SEMA6A: variants seen among roughly 807,000 people sequenced by gnomAD.
SEMA6A encodes semaphorin 6A.
Under a neutral mutation model 96.8 loss-of-function variants are expected in SEMA6A, and 25 were observed. That is an observed-to-expected ratio of 0.26 (90% CI 0.19 to 0.36). The LOEUF (loss-of-function observed/expected upper bound fraction) is 0.36, where lower values mean the gene tolerates loss of function less well. SEMA6A is among the 10% of genes least tolerant of loss of function. The pLI is 1.00. For synonymous variants in SEMA6A, 612 were observed against 518.0 expected (o/e 1.18, Z -2.46); for missense variants, 1,363 against 1,323.1 (o/e 1.03, Z -0.47).
At chr5:116,454,992 A>G (rs1452766474) in intron 18 of SEMA6A, among the ~76,000 whole-genome samples, 4 of 152,176 alleles carry the variant, frequency 2.6e-5, no homozygotes, top group African/African-American at 9.7e-5. Flanking sequence ...TAAAACTCAC[A>G]TATTGAAATA....
intron 15 of SEMA6A, among the ~76,000 whole-genome samples, chr5:116,476,139 G>C (rs1001667973): frequency 6.6e-6 from 1 of 152,074 alleles, no homozygotes; most frequent in East Asian, 1.9e-4. Flanking sequence ...TTGGTTATTT[G>C]TTCACTCCCA....
chr5:116,569,810 G>A (rs1761138447), intron 1 of SEMA6A, among the ~76,000 whole-genome samples: 1 of 152,146 alleles, frequency 6.6e-6, no homozygotes. Context: ...AGAAGACTAT[G>A]AGAAAGGCAG....
chr5:116,463,271 C>T (rs1337839569), intron 18 of SEMA6A, among the ~76,000 whole-genome samples: 1 of 152,168 alleles, frequency 6.6e-6, no homozygotes, highest in Admixed American at 6.5e-5. Flanking sequence ...TGACTCAATA[C>T]TCTTGAAGGC....
chr5:116,505,680 C>T (rs939458698), intron 1 of SEMA6A, among the ~76,000 whole-genome samples: 2 of 152,116 alleles, frequency 1.3e-5, no homozygotes, highest in Admixed American at 6.5e-5. Flanking sequence ...CATTCTGAAA[C>T]GGTATTGTTG....
chr5:116,449,614 C>A, intron 18 of SEMA6A: 1 of 419,360 alleles, frequency 2.4e-6, no homozygotes, highest in Non-Finnish European at 4.3e-6. Context: ...TTCTCTTTTT[C>A]TTTCCTTCCT....
intron 5 of SEMA6A, 164 bp from the exon 6 acceptor site, chr5:116,495,678 C>G (rs751104376): frequency 1.8e-6 from 1 of 558,210 alleles, no homozygotes; most frequent in East Asian, 3.0e-5. Context: ...AAGATGATGC[C>G]GACATCAACG....
chr5:116,544,998 C>T (rs530811340), intron 1 of SEMA6A, among the ~76,000 whole-genome samples: 1 of 152,198 alleles, frequency 6.6e-6, no homozygotes, highest in East Asian at 1.9e-4. Context: ...CCCCTGGTCA[C>T]CTGCTCCATC....
chr5:116,448,919 G>C (rs1561461347), intron 18 of SEMA6A, among the ~76,000 whole-genome samples: 1 of 152,140 alleles, frequency 6.6e-6, no homozygotes, highest in Non-Finnish European at 1.5e-5. Context: ...TGCACCTAGA[G>C]TTTGCTGTCA....
intron 1 of SEMA6A, among the ~76,000 whole-genome samples, chr5:116,542,049 C>T (rs562478697): frequency 9.8e-5 from 15 of 152,286 alleles, no homozygotes; most frequent in African/African-American, 3.1e-4. Context: ...GGACTCTGTC[C>T]CTGCTGCTGG....
chr5:116,509,630 G>A (rs1028438327), intron 1 of SEMA6A, among the ~76,000 whole-genome samples: 18 of 150,360 alleles, frequency 1.2e-4, no homozygotes, highest in African/African-American at 4.0e-4. Flanking sequence ...GAGAGCATGC[G>A]ATTAGGAAGG....
chr5:116,468,308 A>C (rs994427001), intron 17 of SEMA6A: 5 of 152,328 alleles, frequency 3.3e-5, no homozygotes, highest in Admixed American at 1.3e-4. Context: ...TCTAGTCTTC[A>C]GGTTCAACTC....
rs1322766517 is a variant in SEMA6A, at chr5:116,478,054, C to T, written c.1528G>A (p.Val510Ile). 1.9e-6 allele frequency: 3 copies of T among 1,613,872 alleles called. No individual in the cohort carries two copies. The highest frequency in any genetic ancestry group is 1.7e-5 in the Admixed American group (1 of 59,990). ...YVAFSTCVIK[V>I]PLGRCERHGK... ...TGTCGTTCACACCGGCCAAGGGGAA[C>T]CTTTATCACACAGGTAGAGAACGCA... is the stretch of plus-strand genomic sequence containing the variant. The change falls in exon 14 of 19, where the codon GTT (valine) becomes ATT (isoleucine). Residue 510 changes from valine to isoleucine, a missense_variant. Physicochemically the swap from Val to Ile is conservative, Grantham distance 29 (BLOSUM62 3). Transcript: ENST00000343348.
chr5:116,537,451 A>C (rs1759766250), intron 1 of SEMA6A, among the ~76,000 whole-genome samples: 2 of 152,282 alleles, frequency 1.3e-5, no homozygotes, highest in Admixed American at 6.5e-5. Flanking sequence ...AGACCAGGTC[A>C]GGGGTTCTAG....
At chr5:116,530,390 G>T (rs1206432678) in intron 1 of SEMA6A, among the ~76,000 whole-genome samples, 1 of 151,902 alleles carries the variant, frequency 6.6e-6, no homozygotes, top group African/African-American at 2.4e-5. Flanking sequence ...AAAATATCAC[G>T]GATTTCATAT....
chr5:116,477,604 C>T (rs1195229579), intron 15 of SEMA6A, among the ~76,000 whole-genome samples: 1 of 152,216 alleles, frequency 6.6e-6, no homozygotes, highest in Non-Finnish European at 1.5e-5. Context: ...CATTGAAGCC[C>T]ACTGTGTTTC....
At chr5:116,553,176 T>C (rs1760484980) in intron 1 of SEMA6A, among the ~76,000 whole-genome samples, 1 of 151,262 alleles carries the variant, frequency 6.6e-6, no homozygotes, top group African/African-American at 2.4e-5. Context: ...ATCAGATCTA[T>C]TTTTTGTGAC....
chr5:116,467,747 C>T lies in SEMA6A; in HGVS notation c.1730G>A (p.Gly577Glu). 6.2e-7 allele frequency: 1 copy of T among 1,613,514 alleles called. No homozygotes were observed. The highest frequency in any genetic ancestry group is 8.5e-7 in the Non-Finnish European group (1 of 1,179,716). ...GCTGGGCAAGAGGGAACTGGAATGC[C>T]CTGTTTTCATCACAAATACAGTTAG... is the stretch of plus-strand genomic sequence containing the variant. ...DCHNSFVALN[G>E]HSSSLLPSTT... The change falls in exon 18 of 19, where the codon GGG becomes GAG. Residue 577 changes from glycine to glutamate, a missense_variant and splice_region_variant. Transcript: ENST00000343348.
Position 116,511,765 on chromosome 5 carries a change from T to C in SEMA6A, c.-38-6783A>G, listed in dbSNP as rs144004418. Reference sequence around the variant, plus strand: ...GCTTCTCAACCAGTTTTAGGAGAAATTGATTCTCTCATGAACACCACTGTG... The same window carrying C: ...GCTTCTCAACCAGTTTTAGGAGAAACTGATTCTCTCATGAACACCACTGTG... On this transcript the variant is annotated intron_variant, in intron 1 of 18. Transcript: ENST00000343348. Among the ~76,000 whole-genome samples, 41 of 152,302 alleles carry C rather than the reference T, an allele frequency of 2.7e-4. No homozygotes were observed. The East Asian group carries it at 7.5e-3, about 28-fold the overall frequency.
chr5:116,447,648 G>T lies in SEMA6A; in HGVS notation c.2058C>A (p.Arg686=), dbSNP rs765635135. The part of the protein sequence containing the change: ...HRRKDVAVVQ[R]KEKELTHSRR... Reference sequence around the variant, plus strand: ...GCGAGTGGGTGAGCTCCTTCTCCTTGCGCTGCACCACAGCCACGTCTTTGC... The same window carrying T: ...GCGAGTGGGTGAGCTCCTTCTCCTTTCGCTGCACCACAGCCACGTCTTTGC... Residue 686 remains arginine (R), a synonymous_variant, in exon 19 of 19, where the codon CGC becomes CGA. Transcript: ENST00000343348. 10 of 1,614,020 alleles carry T rather than the reference G, an allele frequency of 6.2e-6. No individual in the cohort carries two copies. The highest frequency in any genetic ancestry group is 8.5e-6 in the Non-Finnish European group (10 of 1,179,900).
Sources: allele counts gnomAD v4.1 joint callset (sites outside exome capture counted in the v4.1 genomes callset), GRCh38; gene constraint gnomAD v4.1.1; transcripts MANE v1.5; gene names NCBI Gene and HGNC (gene_info 2026-07-23, HGNC 2026-07-21).